Variants in DAAM2 observed in about 807,000 individuals in gnomAD.
DAAM2 encodes dishevelled associated activator of morphogenesis 2, also known as disheveled-associated activator of morphogenesis 2.
A neutral mutation model predicts 120.7 loss-of-function variants in DAAM2; 39 were observed. That is an observed-to-expected ratio of 0.32 (90% CI 0.25 to 0.42). DAAM2 has a LOEUF of 0.42. DAAM2 is among the 10% of genes least tolerant of loss of function. The probability of loss-of-function intolerance (pLI) is 1.00; values close to 1 mark genes in which losing one functional copy is unlikely to be tolerated. For missense variants in DAAM2, 1,283 were observed against 1,401.7 expected, an observed-to-expected ratio of 0.92 and a Z score of 1.35; for synonymous variants, 488 against 524.9, an observed-to-expected ratio of 0.93 and a Z score of 0.96.
At chr6:39,817,233 T>C (rs1478246122) in intron 1 of DAAM2, among the ~76,000 whole-genome samples, 2 of 152,190 alleles carry the variant, frequency 1.3e-5, no homozygotes, top group African/African-American at 4.8e-5. Flanking sequence ...TCAAAATCCT[T>C]TTATGATTCT....
Position 39,799,702 on chromosome 6 carries a change from A to T in DAAM2, c.-57+7237A>T, listed in dbSNP as rs867668154. ...TACATGACACTAGGCAGGTCATTTT[A>T]AAAAATATATTCTTCATTTGATTTT... On this transcript the variant is annotated intron_variant, in intron 1 of 24. Transcript: ENST00000274867. 3.3e-5 allele frequency among the ~76,000 whole-genome samples: 5 copies of T among 152,334 alleles called. No individual in the cohort carries two copies. In the South Asian group the frequency reaches 8.3e-4, roughly 25 times the overall value.
intron 1 of DAAM2, among the ~76,000 whole-genome samples, chr6:39,839,393 G>C (rs1244303724): frequency 6.6e-6 from 1 of 152,190 alleles, no homozygotes; most frequent in Non-Finnish European, 1.5e-5. Flanking sequence ...AATGCACTAG[G>C]TAGACTCAAA....
At chr6:39,881,135 A>ATGAAGCTGTGTGCTCAGGAGT (rs1765096918) in intron 14 of DAAM2, among the ~76,000 whole-genome samples, 2 of 152,236 alleles carry the variant, frequency 1.3e-5, no homozygotes, top group Non-Finnish European at 2.9e-5. Flanking sequence ...TTTTCATCAT[A>ATGAAGCTGTGTGCTCAGGAGT]TGAAGCTGTG....
chr6:39,890,162 C>G (rs1446895966), intron 17 of DAAM2, among the ~76,000 whole-genome samples: 2 of 151,938 alleles, frequency 1.3e-5, no homozygotes, highest in Non-Finnish European at 2.9e-5. Context: ...AGACACTGTT[C>G]ATTGAGTGGA....
chr6:39,904,138 C>A lies in DAAM2; in HGVS notation c.*2101C>A. On this transcript the variant is annotated 3_prime_UTR_variant, in exon 25 of 25. Coordinates refer to ENST00000274867, the MANE Select transcript of DAAM2 (RefSeq NM_001201427.2). ...CCCACCCACCATGGAAGACTGGATA[C>A]GCACCTGGAAACAAAAGGACTATGG... 1 of 453,654 alleles carries A rather than the reference C, an allele frequency of 2.2e-6. No individual in the cohort carries two copies. 28.1% of individuals were successfully genotyped at this position (453,654 alleles called of 1,614,324 possible). A position where few individuals can be genotyped will look rare whatever the true frequency, so the allele number is the denominator to read the frequency against.
At chr6:39,864,578 C>A in intron 4 of DAAM2, 71 bp downstream of exon 4, 2 of 1,271,726 alleles carry the variant, frequency 1.6e-6, no homozygotes, top group Non-Finnish European at 2.2e-6. Context: ...TCCCCCAGCC[C>A]CCACCCCCCA....
chr6:39,798,344 C>A (rs553245606), intron 1 of DAAM2, among the ~76,000 whole-genome samples: 1 of 152,290 alleles, frequency 6.6e-6, no homozygotes. Flanking sequence ...GGGTTGTCAG[C>A]CCCTGGCGGA....
At position 39,875,313 on chromosome 6, in the gene DAAM2, T is replaced by TA; in HGVS notation, c.1163-16dup. On this transcript the variant is annotated splice_polypyrimidine_tract_variant and intron_variant, in intron 10 of 24. Coordinates refer to ENST00000274867, the MANE Select transcript of DAAM2 (RefSeq NM_001201427.2). ...ACTTCAGGACTCAGGAAAGATATGA[T>TA]ACCTGTCATCCCTCAGACAAACGGA... is the stretch of plus-strand genomic sequence containing the variant. The TA allele has an allele frequency of 6.2e-7, 1 of 1,611,864 alleles. No individual in the cohort carries two copies. The highest frequency in any genetic ancestry group is 8.5e-7 in the Non-Finnish European group (1 of 1,178,762).
chr6:39,865,767 A>C (rs1173621261), intron 5 of DAAM2, among the ~76,000 whole-genome samples: 1 of 152,198 alleles, frequency 6.6e-6, no homozygotes, highest in Non-Finnish European at 1.5e-5. Flanking sequence ...CAATTGTATA[A>C]ATTTAAGATT....
chr6:39,826,489 T>C (rs1275353351), intron 1 of DAAM2, among the ~76,000 whole-genome samples: 3 of 152,126 alleles, frequency 2.0e-5, no homozygotes, highest in Non-Finnish European at 4.4e-5. Flanking sequence ...CTTTCTCTCT[T>C]TTTCATTTCC....
At chr6:39,863,201 T>C (rs969357725) in intron 3 of DAAM2, among the ~76,000 whole-genome samples, 1 of 151,862 alleles carries the variant, frequency 6.6e-6, no homozygotes, top group African/African-American at 2.4e-5. Context: ...CCCCATTCAG[T>C]GCATATGGCA....
chr6:39,823,554 G>T (rs1032194575), intron 1 of DAAM2, among the ~76,000 whole-genome samples: 4 of 152,238 alleles, frequency 2.6e-5, no homozygotes, highest in Non-Finnish European at 2.9e-5. Context: ...GACTTGTGCC[G>T]GGAAGGGGGA....
chr6:39,802,126 C>G (rs1222905320), intron 1 of DAAM2, among the ~76,000 whole-genome samples: 2 of 152,210 alleles, frequency 1.3e-5, no homozygotes, highest in African/African-American at 4.8e-5. Flanking sequence ...AGGAACTGCT[C>G]GGCCCTTCCA....
In DAAM2 at chr6:39,901,773, C is replaced by T; in HGVS notation, c.2983-40C>T. On this transcript the variant is annotated intron_variant, in intron 24 of 24. Coordinates refer to ENST00000274867, the MANE Select transcript of DAAM2 (RefSeq NM_001201427.2). This position sits in a 1 kb window ranked among gnomAD's most constrained non-coding sequence, Gnocchi z 4.5. The stretch of plus-strand genomic sequence containing the variant: ...GGGGGCTGCCCTGGCCTCAGCGCCT[C>T]TCCCTGAGAGGGTTCCTATCTTTGG... 6.8e-7 allele frequency: 1 copy of T among 1,480,326 alleles called. No individual in the cohort carries two copies. Among genetic ancestry groups the T allele is most frequent in the Non-Finnish European group, 8.9e-7 (1 of 1,118,394 alleles). 91.7% of individuals were successfully genotyped at this position (1,480,326 alleles called of 1,614,324 possible).
intron 5 of DAAM2, among the ~76,000 whole-genome samples, chr6:39,865,339 A>G (rs1764383225): frequency 6.6e-6 from 1 of 152,220 alleles, no homozygotes; most frequent in African/African-American, 2.4e-5. Flanking sequence ...CTTTTTAAAA[A>G]TTTATTGATT....
intron 10 of DAAM2, among the ~76,000 whole-genome samples, chr6:39,874,457 T>G (rs1309099696): frequency 6.6e-6 from 1 of 152,236 alleles, no homozygotes; most frequent in Non-Finnish European, 1.5e-5. Context: ...TAGAAATCTC[T>G]GGGAAACCTG....
At chr6:39,872,697 A>G (rs916172819) in intron 9 of DAAM2, among the ~76,000 whole-genome samples, 6 of 152,212 alleles carry the variant, frequency 3.9e-5, no homozygotes, top group Admixed American at 2.6e-4. Context: ...AGATACAGAA[A>G]CAGAGGTTAG....
chr6:39,872,452 TG>T (rs1764701043), intron 9 of DAAM2, among the ~76,000 whole-genome samples: 1 of 152,200 alleles, frequency 6.6e-6, no homozygotes, highest in South Asian at 2.1e-4. Context: ...ATACCTTTCC[TG>T]GGCTGACTTT....
In DAAM2 at chr6:39,802,883, C is replaced by A. The variant is rs1442058617; in HGVS notation, c.-57+10418C>A. Among the ~76,000 whole-genome samples, 3 of 152,280 alleles carry A rather than the reference C, an allele frequency of 2.0e-5. No individual in the cohort carries two copies. The South Asian group carries it at 6.2e-4, about 32-fold the overall frequency. ...GCCCCCTCGTGCCCCTCTCTGGTTA[C>A]TACCCTTCCATGATCCTGACTTCTA... On this transcript the variant is annotated intron_variant, in intron 1 of 24. Transcript: ENST00000274867.
Sources: gnomAD v4.1 joint callset for allele counts (sites outside exome capture counted in the v4.1 genomes callset) on GRCh38, gnomAD v4.1.1 for gene constraint, Gnocchi (gnomAD v3.1) non-coding constraint, MANE v1.5 for transcripts, NCBI Gene and HGNC (gene_info 2026-07-23, HGNC 2026-07-21) for gene names.